The following PSMD5 variants were observed in gnomAD, a reference collection of about 807,000 sequenced individuals.
The protein encoded by PSMD5 is 26S proteasome non-ATPase regulatory subunit 5.
PSMD5 carries 40 observed loss-of-function variants against 52.1 expected under a neutral mutation model. The observed-to-expected ratio is 0.77, with a 90% CI of 0.60 to 1.00. PSMD5 has a LOEUF of 1.00. Among genes scored for constraint, PSMD5 ranks in the 50% least tolerant of loss-of-function variants. PSMD5 has a pLI of 0.00. For missense variants in PSMD5, 575 were observed against 605.2 expected (o/e 0.95, Z 0.52); for synonymous variants, 211 against 226.6 (o/e 0.93, Z 0.62).
chr9:120,833,476 T>C lies in PSMD5; in HGVS notation c.174-20A>G. 6.2e-7 allele frequency: 1 copy of C among 1,607,180 alleles called. No individual in the cohort carries two copies. On this transcript the variant is annotated intron_variant, in intron 1 of 9. Transcript: ENST00000210313. ...TTTTCCCTGAAGGAGACATCATAAA[T>C]CTTATTAGTTCATATCCTGCCCAGG...
intron 1 of PSMD5, 72 bp downstream of exon 1, chr9:120,842,665 G>T: frequency 1.9e-6 from 3 of 1,557,772 alleles, no homozygotes; most frequent in Non-Finnish European, 1.7e-6. Context: ...CGCTGTTCTT[G>T]CCCTCAACCA....
intron 5 of PSMD5, among the ~76,000 whole-genome samples, chr9:120,828,712 C>G (rs2045140252): frequency 6.6e-6 from 1 of 152,206 alleles, no homozygotes; most frequent in Non-Finnish European, 1.5e-5. Flanking sequence ...AGGCGTGAGC[C>G]ACCGCACCCG....
chr9:120,831,840 C>A lies in PSMD5; in HGVS notation c.424G>T (p.Ala142Ser). The A allele has an allele frequency of 1.2e-6, 2 of 1,612,358 alleles. No individual in the cohort carries two copies. Among genetic ancestry groups the A allele is most frequent in the South Asian group, 1.1e-5 (1 of 90,946 alleles). The change falls in exon 3 of 10, where the codon GCA (alanine) becomes TCA (serine). Residue 142 changes from alanine to serine, a missense_variant. By Grantham distance (99) the Ala-to-Ser change is moderately conservative. Coordinates refer to ENST00000210313, the MANE Select transcript of PSMD5 (RefSeq NM_005047.4). The part of the protein sequence containing the change: ...YCIGGENLSV[A>S]KAAIKSLSRI... ...GATTCTAGTAGACTCACCGCTTTTG[C>A]TACAGATAGATTCTCTCCACCAATG...
intron 1 of PSMD5, among the ~76,000 whole-genome samples, chr9:120,834,163 C>T (rs1184201455): frequency 3.3e-5 from 5 of 151,660 alleles, no homozygotes; most frequent in African/African-American, 7.3e-5. Context: ...GTATTTTTAG[C>T]AGAGACGGGG....
rs1192323860 is a variant in PSMD5 at position 120,818,166 on chromosome 9, GA to G, written c.1258-4del. 6.2e-7 allele frequency: 1 copy of G among 1,608,270 alleles called. No homozygotes were observed. Among genetic ancestry groups the G allele is most frequent in the South Asian group, 1.1e-5 (1 of 90,836 alleles). Reference sequence around the variant, plus strand: ...GCCCAGGGTTGGTTTGCAATGGCCTGAAATGGAAGGCAGAAAGAATACAATT... The same window carrying G: ...GCCCAGGGTTGGTTTGCAATGGCCTGAATGGAAGGCAGAAAGAATACAATT... On this transcript the variant is annotated splice_region_variant and splice_polypyrimidine_tract_variant and intron_variant, in intron 9 of 9. Transcript: ENST00000210313.
Position 120,830,112 on chromosome 9 carries a change from G to T in PSMD5, c.562-904C>A, listed in dbSNP as rs566700993. On this transcript the variant is annotated intron_variant, in intron 4 of 9. Coordinates refer to ENST00000210313, the MANE Select transcript of PSMD5 (RefSeq NM_005047.4). Reference sequence around the variant, plus strand: ...TGTACTAATGAAGAGAAATGCAGGGGTTTAAATAAAATCAACAAAATATGA... The same window carrying T: ...TGTACTAATGAAGAGAAATGCAGGGTTTTAAATAAAATCAACAAAATATGA... Among the ~76,000 whole-genome samples the T allele has an allele frequency of 3.3e-5, 5 of 152,252 alleles. No homozygotes were observed. The South Asian group carries it at 1.0e-3, about 32-fold the overall frequency.
chr9:120,835,765 T>C (rs1276917033), intron 1 of PSMD5, among the ~76,000 whole-genome samples: 1 of 152,074 alleles, frequency 6.6e-6, no homozygotes, highest in South Asian at 2.1e-4. Context: ...AGTAGATTCC[T>C]GGTTGCCAGA....
At chr9:120,823,140 A>C (rs1344830313) in intron 7 of PSMD5, among the ~76,000 whole-genome samples, 1 of 152,020 alleles carries the variant, frequency 6.6e-6, no homozygotes, top group East Asian at 1.9e-4. Flanking sequence ...ATTGGGCTGC[A>C]TATTATTTTG....
chr9:120,821,408 C>T lies in PSMD5; in HGVS notation c.1063G>A (p.Val355Met). The change falls in exon 8 of 10, where the codon GTG becomes ATG. Residue 355 changes from valine (V) to methionine (M), a missense_variant. Val to Met is a conservative substitution (Grantham distance 21, BLOSUM62 1). Coordinates refer to ENST00000210313, the MANE Select transcript of PSMD5 (RefSeq NM_005047.4). Reference protein sequence around the residue: ...RIGHQSKNAPVELKIRCLDAI... With the variant: ...RIGHQSKNAPMELKIRCLDAI... ...TCCAAACATCTAATTTTTAGCTCCA[C>T]TGGGGCATTCTTTGATTGATGTCCT... 1 of 1,609,504 alleles carries T rather than the reference C, an allele frequency of 6.2e-7. No individual in the cohort carries two copies. The highest frequency in any genetic ancestry group is 8.5e-7 in the Non-Finnish European group (1 of 1,177,858).
Position 120,842,719 on chromosome 9 carries a change from C to T in PSMD5, c.173+18G>A. 6.2e-7 allele frequency: 1 copy of T among 1,612,572 alleles called. No individual in the cohort carries two copies. Among genetic ancestry groups the T allele is most frequent in the Non-Finnish European group, 8.5e-7 (1 of 1,179,802 alleles). The stretch of plus-strand genomic sequence containing the variant: ...GGGGTGCCCCTCTCCTCGGCTCAAG[C>T]CCCCGGGGTCCTCTCACCTATGGTT... On this transcript the variant is annotated intron_variant, in intron 1 of 9. Coordinates refer to ENST00000210313, the MANE Select transcript of PSMD5 (RefSeq NM_005047.4).
chr9:120,828,104 C>A (rs760276014), intron 5 of PSMD5, among the ~76,000 whole-genome samples: 71 of 152,180 alleles, frequency 4.7e-4, no homozygotes, highest in Non-Finnish European at 1.2e-4. Context: ...TTAAGCAATT[C>A]TCTTGTCTCA....
chr9:120,827,541 T>C (rs113217844), intron 5 of PSMD5, among the ~76,000 whole-genome samples: 41 of 152,324 alleles, frequency 2.7e-4, no homozygotes, highest in African/African-American at 9.4e-4. Flanking sequence ...TCCTAAACTG[T>C]TTTGACTGAC....
chr9:120,835,981 A>T lies in PSMD5; in HGVS notation c.174-2525T>A, dbSNP rs191902497. Among the ~76,000 whole-genome samples, 359 of 151,976 alleles carry T rather than the reference A, an allele frequency of 2.4e-3. 3 individuals carry two copies. Among genetic ancestry groups the T allele is most frequent in the Admixed American group, 0.022 (342 of 15,268 alleles). On this transcript the variant is annotated intron_variant, in intron 1 of 9. Coordinates refer to ENST00000210313, the MANE Select transcript of PSMD5 (RefSeq NM_005047.4). ...AACATTTTCCTCTTCCCAACCAGAA[A>T]CTCTGCATCCATTGAACACTCCCTA...
intron 3 of PSMD5, 121 bp from the exon 4 acceptor site, chr9:120,831,580 A>G: frequency 7.8e-7 from 1 of 1,281,134 alleles, no homozygotes; most frequent in Non-Finnish European, 1.1e-6. Flanking sequence ...ATTATTTATA[A>G]TTGGAAAAGA....
At chr9:120,818,194 C>G in intron 9 of PSMD5, 31 bp from the exon 10 acceptor site, 1 of 1,584,090 alleles carries the variant, frequency 6.3e-7, no homozygotes, top group Non-Finnish European at 8.6e-7. Context: ...AATACAATTC[C>G]CCTGAGTGGA....
At chr9:120,828,433 A>AG (rs2045137971) in intron 5 of PSMD5, among the ~76,000 whole-genome samples, 1 of 143,816 alleles carries the variant, frequency 7.0e-6, no homozygotes, top group Non-Finnish European at 1.5e-5. Flanking sequence ...CATTTTGAAA[A>AG]GCTCATATTC....
intron 1 of PSMD5, among the ~76,000 whole-genome samples, chr9:120,837,100 A>G (rs1247232598): frequency 1.3e-5 from 2 of 152,166 alleles, no homozygotes; most frequent in Non-Finnish European, 2.9e-5. Context: ...TGTGTTAGCC[A>G]GGATGGTCTC....
Position 120,833,340 on chromosome 9 carries a change from T to A in PSMD5, c.290A>T (p.Asp97Val), listed in dbSNP as rs763587566. ...GGAAAGAGTGAGGATTTTTACAGAA[T>A]CATCAGGGTGAATTAGTCCCCTCTG... ...DLQRGLIHPD[D>V]SVKILTLSQI... The change falls in exon 2 of 10, where the codon GAT becomes GTT. Residue 97 changes from aspartate to valine, a missense_variant. By Grantham distance (152) the Asp-to-Val change is radical (BLOSUM62 -3). Coordinates refer to ENST00000210313, the MANE Select transcript of PSMD5 (RefSeq NM_005047.4). The A allele has an allele frequency of 2.5e-6, 4 of 1,613,884 alleles. No homozygotes were observed. In the Admixed American group the frequency reaches 6.7e-5, roughly 27 times the overall value.
intron 7 of PSMD5, among the ~76,000 whole-genome samples, chr9:120,823,557 G>A (rs2131422735): frequency 6.8e-6 from 1 of 146,582 alleles, no homozygotes; most frequent in East Asian, 2.0e-4. Context: ...TGTCACCCAG[G>A]CTGGAGTGTA....
Sources: allele counts gnomAD v4.1 joint callset (sites outside exome capture counted in the v4.1 genomes callset), GRCh38; gene constraint gnomAD v4.1.1; transcripts MANE v1.5; gene names NCBI Gene and HGNC (gene_info 2026-07-23, HGNC 2026-07-21).